CNOT6: variants seen among roughly 807,000 people sequenced by gnomAD.
CNOT6 encodes the protein CCR4-NOT transcription complex subunit 6, also known as carbon catabolite repression 4 protein.
CNOT6 carries 12 observed loss-of-function variants against 61.2 expected under a neutral mutation model. The ratio of observed to expected loss-of-function variants is 0.20; its 90% CI spans 0.13 to 0.32. CNOT6 has a LOEUF of 0.32. Ranked by LOEUF, CNOT6 falls within the 10% of genes least tolerant of loss-of-function variation. The probability of loss-of-function intolerance (pLI) is 1.00; values close to 1 mark genes in which losing one functional copy is unlikely to be tolerated. For synonymous variants in CNOT6, 225 were observed against 240.6 expected (o/e 0.94, Z 0.60); for missense variants, 405 against 663.9 (o/e 0.61, Z 4.28).
rs1298878917 is a variant in CNOT6 at position 180,547,735 on chromosome 5, G to GT, written c.113-2193dup. Among the ~76,000 whole-genome samples, 8 of 152,078 alleles carry GT rather than the reference G, an allele frequency of 5.3e-5. No homozygotes were observed. The East Asian group carries it at 1.5e-3, about 29-fold the overall frequency. On this transcript the variant is annotated intron_variant, in intron 2 of 11. Coordinates refer to ENST00000261951, the MANE Select transcript of CNOT6 (RefSeq NM_001370472.1). Reference sequence around the variant, plus strand: ...TACGTTTGAGTTCATGGAGTTGTTTGTTTGTTTGTTTGTTTTGAACTGGAG... The same window carrying GT: ...TACGTTTGAGTTCATGGAGTTGTTTGTTTTGTTTGTTTGTTTTGAACTGGAG...
At chr5:180,539,414 C>T (rs1018469678) in intron 2 of CNOT6, among the ~76,000 whole-genome samples, 1 of 150,216 alleles carries the variant, frequency 6.7e-6, no homozygotes, top group Non-Finnish European at 1.5e-5. Context: ...TCTTTTCTTG[C>T]TTCTATCATT....
chr5:180,544,361 C>A (rs550307706), intron 2 of CNOT6, among the ~76,000 whole-genome samples: 161 of 152,324 alleles, frequency 1.1e-3, no homozygotes, highest in African/African-American at 3.8e-3. Flanking sequence ...TCAAACCTGA[C>A]AACTGTTTTC....
intron 1 of CNOT6, among the ~76,000 whole-genome samples, chr5:180,507,619 A>T (rs1045684600): frequency 3.9e-5 from 6 of 152,052 alleles, no homozygotes; most frequent in Non-Finnish European, 8.8e-5. Flanking sequence ...AAAAAAAGAT[A>T]CAGTTTTAGG....
chr5:180,571,624 G>A (rs1760753387), intron 11 of CNOT6, among the ~76,000 whole-genome samples, 192 bp downstream of exon 11: 1 of 152,186 alleles, frequency 6.6e-6, no homozygotes, highest in South Asian at 2.1e-4. Context: ...GGAGTGCAGT[G>A]GCACAGTGAT....
chr5:180,531,657 G>T (rs917021312), intron 2 of CNOT6, among the ~76,000 whole-genome samples: 1 of 152,198 alleles, frequency 6.6e-6, no homozygotes, highest in Admixed American at 6.5e-5. Context: ...AGGTTGTAGC[G>T]AGCCGAGATC....
At chr5:180,529,052 T>TA (rs1758225568) in intron 1 of CNOT6, among the ~76,000 whole-genome samples, 1 of 151,874 alleles carries the variant, frequency 6.6e-6, no homozygotes, top group Non-Finnish European at 1.5e-5. Context: ...GTATTAAAAA[T>TA]ACAAAAATGA....
chr5:180,529,390 TAAGACATGG>T lies in CNOT6; in HGVS notation c.112+6_112+14del. On this transcript the variant is annotated splice_donor_5th_base_variant and intron_variant, in intron 2 of 11. Transcript: ENST00000261951. ...ACTGGGCAGAGCTTGAAATAAGTGGTAAGACATGGAAGCATGAATTTATGGTATGGAAAT... is the reference window on the plus strand; with the variant it reads ...ACTGGGCAGAGCTTGAAATAAGTGGTAAGCATGAATTTATGGTATGGAAAT... 1.3e-6 allele frequency: 2 copies of T among 1,567,640 alleles called. No homozygotes were observed. Among genetic ancestry groups the T allele is most frequent in the Non-Finnish European group, 1.8e-6 (2 of 1,138,764 alleles).
At chr5:180,529,213 A>G in intron 1 of CNOT6, 62 bp from the exon 2 acceptor site, 9 of 766,366 alleles carry the variant, frequency 1.2e-5, no homozygotes, top group Non-Finnish European at 2.0e-5. Context: ...AAAAAAAAAA[A>G]GGTGTTGTGG....
intron 2 of CNOT6, among the ~76,000 whole-genome samples, chr5:180,533,311 C>CATATATATATATATATATAT (rs1305701783): frequency 5.8e-4 from 38 of 65,206 alleles, no homozygotes; most frequent in Non-Finnish European, 1.0e-3. Context: ...TGGATGAAAA[C>CATATATATATATATATATAT]CTATATATAT....
At chr5:180,544,474 A>G (rs1187044949) in intron 2 of CNOT6, among the ~76,000 whole-genome samples, 2 of 152,066 alleles carry the variant, frequency 1.3e-5, no homozygotes, top group Admixed American at 6.5e-5. Context: ...GTGTGTGTGT[A>G]TGGTAGGCAT....
At chr5:180,521,553 T>G (rs1297427527) in intron 1 of CNOT6, among the ~76,000 whole-genome samples, 1 of 152,238 alleles carries the variant, frequency 6.6e-6, no homozygotes, top group Non-Finnish European at 1.5e-5. Context: ...GAGTAATTAC[T>G]TTTTTAAAAT....
intron 1 of CNOT6, among the ~76,000 whole-genome samples, chr5:180,526,250 G>A (rs562415455): frequency 6.6e-6 from 1 of 152,196 alleles, no homozygotes; most frequent in Non-Finnish European, 1.5e-5. Context: ...TAGCTGGAGC[G>A]AGAAATGAAC....
intron 11 of CNOT6, among the ~76,000 whole-genome samples, chr5:180,571,803 T>G (rs1760762903): frequency 1.3e-5 from 2 of 152,090 alleles, no homozygotes; most frequent in Non-Finnish European, 2.9e-5. Context: ...CCTCAAATGA[T>G]TCTTCCACCT....
chr5:180,523,040 TG>T (rs1206744539), intron 1 of CNOT6, among the ~76,000 whole-genome samples: 6 of 152,170 alleles, frequency 3.9e-5, no homozygotes, highest in Non-Finnish European at 2.9e-5. Context: ...GGCAGTATTG[TG>T]GGACTCAGCC....
In CNOT6 at chr5:180,571,294, G is replaced by A. The variant is rs1018369870; in HGVS notation, c.1323G>A (p.Arg441=). ...ATCACAAAGACTTTAAGGAGTTGAG[G>A]TATAATGAAAGTCTCACAAACTTCA... ...ETNHKDFKEL[R]YNESLTNFSC... The change falls in exon 11 of 12, where the codon AGG becomes AGA. Residue 441 remains arginine, a synonymous_variant. Transcript: ENST00000261951. 2.5e-6 allele frequency: 4 copies of A among 1,614,088 alleles called. No individual in the cohort carries two copies. Among genetic ancestry groups the A allele is most frequent in the Non-Finnish European group, 3.4e-6 (4 of 1,179,898 alleles).
At chr5:180,518,505 G>C (rs992649358) in intron 1 of CNOT6, among the ~76,000 whole-genome samples, 1 of 151,794 alleles carries the variant, frequency 6.6e-6, no homozygotes, top group Admixed American at 6.6e-5. Context: ...TTGTGTGTGT[G>C]GGGGGGAGGA....
chr5:180,499,841 A>G (rs1231030968), intron 1 of CNOT6, among the ~76,000 whole-genome samples: 1 of 152,208 alleles, frequency 6.6e-6, no homozygotes, highest in East Asian at 1.9e-4. Context: ...ATTACTTATA[A>G]TCAGATGGAA....
chr5:180,509,583 ATTT>A (rs756885836), intron 1 of CNOT6, among the ~76,000 whole-genome samples: 1 of 139,860 alleles, frequency 7.2e-6, no homozygotes, highest in African/African-American at 2.6e-5. Flanking sequence ...CACCTGGCTA[ATTT>A]TTTTTTTTTT....
intron 2 of CNOT6, among the ~76,000 whole-genome samples, chr5:180,537,446 A>G (rs1020137219): frequency 1.3e-5 from 2 of 151,702 alleles, no homozygotes; most frequent in African/African-American, 2.4e-5. Context: ...TGTGTGTTCA[A>G]ATCTTTTGCC....
Sources: allele counts gnomAD v4.1 joint callset (sites outside exome capture counted in the v4.1 genomes callset), GRCh38; gene constraint gnomAD v4.1.1; transcripts MANE v1.5; gene names NCBI Gene and HGNC (gene_info 2026-07-23, HGNC 2026-07-21).